Variants in OLFM3 observed in about 807,000 individuals in gnomAD.
The protein encoded by OLFM3 is olfactomedin 3, also known as noelin-3.
OLFM3 carries 20 observed loss-of-function variants against 48.6 expected under a neutral mutation model. That is an observed-to-expected ratio of 0.41 (90% CI 0.29 to 0.60). The LOEUF (loss-of-function observed/expected upper bound fraction) is 0.60. Ranked by LOEUF, OLFM3 falls within the 20% of genes least tolerant of loss-of-function variation. The probability of loss-of-function intolerance (pLI) is 0.28; values close to 1 mark genes in which losing one functional copy is unlikely to be tolerated. For missense variants in OLFM3, 437 were observed against 544.3 expected (o/e 0.80, Z 1.96); for synonymous variants, 222 against 198.1 (o/e 1.12, Z -1.01).
At chr1:101,913,567 A>G (rs973055665) in intron 1 of OLFM3, among the ~76,000 whole-genome samples, 1 of 152,010 alleles carries the variant, frequency 6.6e-6, no homozygotes, top group Non-Finnish European at 1.5e-5. Context: ...CATCATTTTT[A>G]TTGACATTGA....
intron 1 of OLFM3, among the ~76,000 whole-genome samples, chr1:101,976,447 A>C (rs1010945955): frequency 6.6e-6 from 1 of 152,196 alleles, no homozygotes; most frequent in Admixed American, 6.5e-5. Context: ...TGGTACCCTA[A>C]AAAGAGACAA....
intron 1 of OLFM3, among the ~76,000 whole-genome samples, chr1:101,928,654 G>T (rs1441481553): frequency 6.6e-6 from 1 of 152,060 alleles, no homozygotes; most frequent in Admixed American, 6.6e-5. Flanking sequence ...GTGATAAGGG[G>T]TAATATTTTC....
chr1:101,883,107 T>G (rs1047783850), intron 1 of OLFM3, among the ~76,000 whole-genome samples: 1 of 151,754 alleles, frequency 6.6e-6, no homozygotes, highest in Non-Finnish European at 1.5e-5. Context: ...TAAGGTTACT[T>G]CTATCAGCCA....
intron 1 of OLFM3, among the ~76,000 whole-genome samples, chr1:101,858,137 G>A (rs543816790): frequency 6.6e-6 from 1 of 151,976 alleles, no homozygotes; most frequent in South Asian, 2.1e-4. Context: ...TACAGGACTG[G>A]TTAATAAATA....
intron 1 of OLFM3, among the ~76,000 whole-genome samples, chr1:101,950,443 C>CT (rs71088115): frequency 0.58 from 83,576 of 144,586 alleles, 24,268 homozygotes; most frequent in East Asian, 0.72. Flanking sequence ...TGCTTTCTTT[C>CT]TTTTTTTTTT....
intron 1 of OLFM3, among the ~76,000 whole-genome samples, chr1:101,894,451 T>G (rs2101009736): frequency 6.6e-6 from 1 of 152,276 alleles, no homozygotes; most frequent in East Asian, 1.9e-4. Context: ...ATACCTAAAT[T>G]ATCTCATTTA....
chr1:101,806,310 G>T, intron 4 of OLFM3, 128 bp from the exon 5 acceptor site: 1 of 677,874 alleles, frequency 1.5e-6, no homozygotes. Context: ...TCACATTTCT[G>T]AATAAATGAT....
chr1:101,939,688 A>G (rs1659727874), intron 1 of OLFM3, among the ~76,000 whole-genome samples: 1 of 152,222 alleles, frequency 6.6e-6, no homozygotes, highest in Non-Finnish European at 1.5e-5. Flanking sequence ...AAAGCGATGC[A>G]GGATTGAGGA....
chr1:101,925,812 G>A (rs1485001224), intron 1 of OLFM3, among the ~76,000 whole-genome samples: 1 of 152,014 alleles, frequency 6.6e-6, no homozygotes, highest in Non-Finnish European at 1.5e-5. Flanking sequence ...TTACAGGCAT[G>A]GGTCACTGTG....
intron 1 of OLFM3, among the ~76,000 whole-genome samples, chr1:101,868,923 T>C (rs1398072707): frequency 6.6e-6 from 1 of 152,222 alleles, no homozygotes; most frequent in Non-Finnish European, 1.5e-5. Flanking sequence ...ATTGGGCCTG[T>C]GTGTGCACAG....
intron 1 of OLFM3, among the ~76,000 whole-genome samples, chr1:101,872,334 G>T (rs1329782034): frequency 6.6e-6 from 1 of 151,996 alleles, no homozygotes; most frequent in East Asian, 1.9e-4. Flanking sequence ...GTAAAGTTAG[G>T]TGGCTATGGC....
intron 1 of OLFM3, among the ~76,000 whole-genome samples, chr1:101,941,992 T>C (rs1659810739): frequency 6.6e-6 from 1 of 152,216 alleles, no homozygotes; most frequent in Admixed American, 6.5e-5. Flanking sequence ...AATGTTTTTA[T>C]CCCAATTTTG....
intron 1 of OLFM3, among the ~76,000 whole-genome samples, chr1:101,908,313 GTCTATA>G (rs1489235878): frequency 6.6e-6 from 1 of 152,140 alleles, no homozygotes; most frequent in Non-Finnish European, 1.5e-5. Flanking sequence ...CAGAAAAAAT[GTCTATA>G]TCTAAAAGAA....
Position 101,837,024 on chromosome 1 carries a change from G to A in OLFM3, c.71C>T (p.Thr24Ile), listed in dbSNP as rs1446471685. 1.9e-6 allele frequency: 3 copies of A among 1,607,870 alleles called. No homozygotes were observed. Among genetic ancestry groups the A allele is most frequent in the Non-Finnish European group, 2.5e-6 (3 of 1,176,680 alleles). ...CCACCCTTCTTTAGGACTAATCTGA[G>A]TCTGAGGAAACCAAAGGGAAACATA... ...SLFAGLDPSK[T>I]QISPKEGWQV... The change falls in exon 2 of 6, where the codon ACT (threonine) becomes ATT (isoleucine). Residue 24 changes from threonine (T) to isoleucine (I), a missense_variant and splice_region_variant. Physicochemically the swap from Thr to Ile is moderately conservative, Grantham distance 89. Around this residue, in one of 3 missense-constraint regions of OLFM3, gnomAD observed 314 missense variants for 365.5 expected, o/e 0.86. Coordinates refer to ENST00000370103, the MANE Select transcript of OLFM3 (RefSeq NM_058170.4).
intron 1 of OLFM3, chr1:101,837,921 A>G (rs1655514265): frequency 6.6e-6 from 1 of 152,140 alleles, no homozygotes; most frequent in Admixed American, 6.5e-5. Context: ...AACTGTCTGT[A>G]CTATTCATTA....
chr1:101,992,185 G>C (rs1167075432), intron 1 of OLFM3, among the ~76,000 whole-genome samples: 1 of 152,022 alleles, frequency 6.6e-6, no homozygotes, highest in East Asian at 1.9e-4. Flanking sequence ...TCCCAACAGA[G>C]CATCAATCAT....
At chr1:101,909,499 A>T (rs1273115562) in intron 1 of OLFM3, among the ~76,000 whole-genome samples, 1 of 152,244 alleles carries the variant, frequency 6.6e-6, no homozygotes, top group Non-Finnish European at 1.5e-5. Flanking sequence ...AGACCAGTTC[A>T]CTATTTTAAA....
intron 1 of OLFM3, among the ~76,000 whole-genome samples, chr1:101,935,777 C>A (rs1659593996): frequency 6.6e-6 from 1 of 152,046 alleles, no homozygotes. Context: ...GCAAATCTAC[C>A]ATGATCAGGT....
At chr1:101,914,183 A>C (rs147726559) in intron 1 of OLFM3, among the ~76,000 whole-genome samples, 156 of 152,308 alleles carry the variant, frequency 1.0e-3, no homozygotes, top group African/African-American at 3.6e-3. Flanking sequence ...AACAGTTCTT[A>C]GTCATCCTGC....
Sources: gnomAD v4.1 joint callset for allele counts (sites outside exome capture counted in the v4.1 genomes callset) on GRCh38, gnomAD v4.1.1 for gene constraint, gnomAD v4.1.1 regional missense constraint, MANE v1.5 for transcripts, NCBI Gene and HGNC (gene_info 2026-07-23, HGNC 2026-07-21) for gene names.